The following RFX4 variants were observed in gnomAD, a reference collection of about 807,000 sequenced individuals.
The protein encoded by RFX4 is regulatory factor X4, also known as transcription factor RFX4.
RFX4 carries 10 observed loss-of-function variants against 95.0 expected under a neutral mutation model. The ratio of observed to expected loss-of-function variants is 0.11; its 90% CI spans 0.06 to 0.18. RFX4 has a LOEUF of 0.18. RFX4 is among the 10% of genes least tolerant of loss of function. The pLI is 1.00. For synonymous variants in RFX4, 321 were observed against 340.7 expected, an observed-to-expected ratio of 0.94 and a Z score of 0.64; for missense variants, 640 against 922.0, an observed-to-expected ratio of 0.69 and a Z score of 3.96.
intron 13 of RFX4, among the ~76,000 whole-genome samples, chr12:106,726,843 C>G (rs2042508761): frequency 6.6e-6 from 1 of 152,142 alleles, no homozygotes; most frequent in South Asian, 2.1e-4. Context: ...GCAATGTCGG[C>G]TCACTGCAAC....
chr12:106,636,925 G>T (rs952160959), intron 2 of RFX4, among the ~76,000 whole-genome samples: 1 of 152,056 alleles, frequency 6.6e-6, no homozygotes, highest in South Asian at 2.1e-4. Flanking sequence ...TCCCAAGTTT[G>T]CTGCTTTCAT....
intron 13 of RFX4, 142 bp from the exon 14 acceptor site, chr12:106,731,988 A>C (rs2042621054): frequency 2.7e-5 from 32 of 1,199,844 alleles, no homozygotes; most frequent in Non-Finnish European, 3.8e-5. Context: ...ACCTATGACC[A>C]TGAGGAGATC....
At chr12:106,636,692 C>T (rs1356165852) in intron 2 of RFX4, among the ~76,000 whole-genome samples, 1 of 152,186 alleles carries the variant, frequency 6.6e-6, no homozygotes, top group Non-Finnish European at 1.5e-5. Context: ...GGTTTGGGTT[C>T]TAACTACCAG....
intron 15 of RFX4, among the ~76,000 whole-genome samples, chr12:106,737,478 T>C (rs532951592): frequency 6.6e-6 from 1 of 151,730 alleles, no homozygotes; most frequent in Non-Finnish European, 1.5e-5. Flanking sequence ...CATGGGAGCA[T>C]GAAGGAGAGG....
intron 15 of RFX4, 114 bp from the exon 16 acceptor site, chr12:106,747,323 G>A (rs1351678720): frequency 1.8e-6 from 2 of 1,133,244 alleles, no homozygotes; most frequent in East Asian, 2.4e-5. Context: ...AGAGATACAT[G>A]TCTTATAAAG....
chr12:106,723,536 C>T (rs557029546), intron 13 of RFX4, among the ~76,000 whole-genome samples: 1 of 152,312 alleles, frequency 6.6e-6, no homozygotes, highest in East Asian at 1.9e-4. Flanking sequence ...GGTGTGACAG[C>T]TGAGGGGCAC....
At chr12:106,745,032 A>G (rs2042867600) in intron 15 of RFX4, among the ~76,000 whole-genome samples, 2 of 152,178 alleles carry the variant, frequency 1.3e-5, no homozygotes, top group African/African-American at 4.8e-5. Flanking sequence ...TCAGGCTTCC[A>G]GGAGCACTGG....
chr12:106,726,840 C>T (rs2042508633), intron 13 of RFX4, among the ~76,000 whole-genome samples: 1 of 152,050 alleles, frequency 6.6e-6, no homozygotes, highest in Non-Finnish European at 1.5e-5. Flanking sequence ...GGTGCAATGT[C>T]GGCTCACTGC....
intron 2 of RFX4, among the ~76,000 whole-genome samples, chr12:106,619,588 C>T (rs185834489): frequency 5.2e-4 from 79 of 152,126 alleles, no homozygotes; most frequent in Non-Finnish European, 7.9e-4. Flanking sequence ...TTTTATTCTT[C>T]TTGGGGATCA....
rs575125918 is a variant in RFX4 at position 106,747,152 on chromosome 12, G to A, written c.1634-285G>A. ...AAGAGGACAGCTTTTTGGACTGTGA[G>A]AGGAAGAATGAGTGGGTAATAAGGC... On this transcript the variant is annotated intron_variant, in intron 15 of 17. Coordinates refer to ENST00000392842, the MANE Select transcript of RFX4 (RefSeq NM_213594.3). Among the ~76,000 whole-genome samples the A allele has an allele frequency of 1.1e-4, 17 of 152,318 alleles. No homozygotes were observed. In the South Asian group the frequency reaches 2.3e-3, roughly 20 times the overall value.
chr12:106,668,648 G>C (rs2041223196), intron 4 of RFX4, among the ~76,000 whole-genome samples: 1 of 152,194 alleles, frequency 6.6e-6, no homozygotes, highest in Non-Finnish European at 1.5e-5. Flanking sequence ...AAAATAATTA[G>C]GGTTTAGTGG....
At chr12:106,728,399 A>G (rs1017928833) in intron 13 of RFX4, among the ~76,000 whole-genome samples, 9 of 152,096 alleles carry the variant, frequency 5.9e-5, no homozygotes, top group African/African-American at 2.2e-4. Flanking sequence ...ATGCTTGCCT[A>G]TTTGATTCAT....
At chr12:106,620,063 G>A (rs2040151559) in intron 2 of RFX4, among the ~76,000 whole-genome samples, 1 of 152,018 alleles carries the variant, frequency 6.6e-6, no homozygotes, top group South Asian at 2.1e-4. Flanking sequence ...GTTCCTGTCT[G>A]ATAAGTCTAG....
intron 2 of RFX4, among the ~76,000 whole-genome samples, chr12:106,624,623 G>C (rs962223868): frequency 6.6e-6 from 1 of 152,072 alleles, no homozygotes; most frequent in Non-Finnish European, 1.5e-5. Flanking sequence ...CACCTCGCCC[G>C]GGCTTTTTTT....
At chr12:106,617,400 T>G (rs2040094802) in intron 2 of RFX4, among the ~76,000 whole-genome samples, 1 of 152,236 alleles carries the variant, frequency 6.6e-6, no homozygotes, top group Non-Finnish European at 1.5e-5. Context: ...AAGCATTGCT[T>G]AATTAATCCC....
rs188568847 is a variant in RFX4, at chr12:106,611,350, G to T, written c.130+2467G>T. Among the ~76,000 whole-genome samples the T allele has an allele frequency of 2.7e-5, 4 of 150,544 alleles. No individual in the cohort carries two copies. The South Asian group carries it at 6.3e-4, about 24-fold the overall frequency. ...TTAACTATTTTTTCTTTTGTTGTCTGTGCCTTTAGTGTCATATCTAAGAAA... is the reference window on the plus strand; with the variant it reads ...TTAACTATTTTTTCTTTTGTTGTCTTTGCCTTTAGTGTCATATCTAAGAAA... On this transcript the variant is annotated intron_variant, in intron 2 of 17. Transcript: ENST00000392842.
intron 7 of RFX4, chr12:106,693,112 A>G: frequency 2.3e-6 from 1 of 443,870 alleles, no homozygotes; most frequent in Non-Finnish European, 4.5e-6. Flanking sequence ...CTGCAGGGAA[A>G]CACTGCATCT....
At chr12:106,658,624 G>T (rs193188430) in intron 4 of RFX4, among the ~76,000 whole-genome samples, 2 of 152,292 alleles carry the variant, frequency 1.3e-5, no homozygotes, top group Non-Finnish European at 2.9e-5. Flanking sequence ...GACAGTGGGG[G>T]AGGAAAGGCA....
rs148346576 is a variant in RFX4, at chr12:106,731,082, A to G, written c.1352-1048A>G. Reference sequence around the variant, plus strand: ...ATACTGGTCAGCTTGGAGAGAGGTGAGAAGTTTTGGACATTTTAAAGGGAC... The same window carrying G: ...ATACTGGTCAGCTTGGAGAGAGGTGGGAAGTTTTGGACATTTTAAAGGGAC... On this transcript the variant is annotated intron_variant, in intron 13 of 17. Coordinates refer to ENST00000392842, the MANE Select transcript of RFX4 (RefSeq NM_213594.3). Among the ~76,000 whole-genome samples the G allele has an allele frequency of 7.2e-5, 11 of 152,278 alleles. No individual in the cohort carries two copies. The East Asian group carries it at 1.9e-3, about 27-fold the overall frequency.
Sources: gnomAD v4.1 joint callset for allele counts (sites outside exome capture counted in the v4.1 genomes callset) on GRCh38, gnomAD v4.1.1 for gene constraint, MANE v1.5 for transcripts, NCBI Gene and HGNC (gene_info 2026-07-23, HGNC 2026-07-21) for gene names.